Variants in PRKAG2 observed in about 807,000 individuals in gnomAD.
PRKAG2 encodes 5'-AMP-activated protein kinase subunit gamma-2.
In PRKAG2, 26 loss-of-function variants were observed where a neutral mutation model predicts 69.6. The observed-to-expected ratio is 0.37, with a 90% CI of 0.27 to 0.52. The LOEUF is 0.52. Among genes scored for constraint, PRKAG2 ranks in the 20% least tolerant of loss-of-function variants. The probability of loss-of-function intolerance (pLI) is 0.90; values close to 1 mark genes in which losing one functional copy is unlikely to be tolerated. For synonymous variants in PRKAG2, 293 were observed against 285.0 expected (o/e 1.03, Z -0.28); for missense variants, 557 against 740.0 (o/e 0.75, Z 2.87).
At chr7:151,811,341 C>T (rs1441251323) in intron 1 of PRKAG2, among the ~76,000 whole-genome samples, 2 of 152,180 alleles carry the variant, frequency 1.3e-5, no homozygotes, top group African/African-American at 2.4e-5. Flanking sequence ...AAAAATCAGG[C>T]TCAGGAGAAG....
At chr7:151,648,429 G>T (rs905026494) in intron 4 of PRKAG2, among the ~76,000 whole-genome samples, 5 of 152,274 alleles carry the variant, frequency 3.3e-5, no homozygotes, top group Middle Eastern at 3.4e-3. Context: ...GGGAAAACTG[G>T]TGTGTGAGAA....
chr7:151,685,048 T>G (rs1308782493), intron 3 of PRKAG2, among the ~76,000 whole-genome samples: 1 of 152,162 alleles, frequency 6.6e-6, no homozygotes, highest in African/African-American at 2.4e-5. Flanking sequence ...TATAACCCAC[T>G]GCAGGCTGCT....
chr7:151,736,767 C>T (rs1799874616), intron 3 of PRKAG2, among the ~76,000 whole-genome samples: 1 of 152,180 alleles, frequency 6.6e-6, no homozygotes, highest in South Asian at 2.1e-4. Flanking sequence ...TGGAATTTAA[C>T]GGAAGGTCTT....
chr7:151,763,998 C>T (rs954252267), intron 3 of PRKAG2, among the ~76,000 whole-genome samples: 2 of 152,226 alleles, frequency 1.3e-5, no homozygotes, highest in South Asian at 2.1e-4. Context: ...GACAAAGGCA[C>T]ACTCCAGGTG....
At chr7:151,576,752 C>T (rs1271646955) in intron 6 of PRKAG2, among the ~76,000 whole-genome samples, 4 of 152,152 alleles carry the variant, frequency 2.6e-5, no homozygotes, top group Non-Finnish European at 5.9e-5. Context: ...CCATCCACCT[C>T]GGCCTCCCAA....
In PRKAG2 at chr7:151,814,311, G is replaced by T. The variant is rs956951163; in HGVS notation, c.115-27770C>A. 2 of 799,654 alleles carry T rather than the reference G, an allele frequency of 2.5e-6. No individual in the cohort carries two copies. Among genetic ancestry groups the T allele is most frequent in the Non-Finnish European group, 3.2e-6 (2 of 620,018 alleles). The allele number at this position is 799,654 out of a possible 1,614,324, so 49.5% of individuals were successfully genotyped here. ...AGAACAAAGCCACAATTCAGCATCAGTCTTACACACCAAGGAGACAAAGCA... is the reference window on the plus strand; with the variant it reads ...AGAACAAAGCCACAATTCAGCATCATTCTTACACACCAAGGAGACAAAGCA... On this transcript the variant is annotated intron_variant, in intron 1 of 15. Transcript: ENST00000287878. This position sits in a 1 kb window ranked among gnomAD's most constrained non-coding sequence, Gnocchi z 4.8.
rs1221087803 is a variant in PRKAG2, at chr7:151,556,185, AAAAAC to A, written c.*1011_*1015del. The A allele has an allele frequency of 6.6e-6, 1 of 151,466 alleles. No homozygotes were observed. Among genetic ancestry groups the A allele is most frequent in the Non-Finnish European group, 1.5e-5 (1 of 67,856 alleles). 9.4% of individuals were successfully genotyped at this position (151,466 alleles called of 1,614,324 possible). A position where few individuals can be genotyped will look rare whatever the true frequency, so the allele number is the denominator to read the frequency against. ...GAAAAAAAAAAACCCAAAACAAAAA[AAAAAC>A]AAACTATCCTCATATATATATATAC... On this transcript the variant is annotated 3_prime_UTR_variant, in exon 16 of 16. Transcript: ENST00000287878.
intron 1 of PRKAG2, among the ~76,000 whole-genome samples, chr7:151,834,907 C>T (rs191513388): frequency 7.9e-5 from 12 of 152,338 alleles, no homozygotes; most frequent in African/African-American, 2.9e-4. Context: ...GGCCTTTCTG[C>T]CAGCTACGGG....
Position 151,667,753 on chromosome 7 carries a change from T to C in PRKAG2, c.684+7667A>G, listed in dbSNP as rs1023617624. ...GGCTAGCCTGCTGGAAAAGAGACCA[T>C]GTGGAATTGAGACAAGTTAGCTGTT... On this transcript the variant is annotated intron_variant, in intron 4 of 15. Coordinates refer to ENST00000287878, the MANE Select transcript of PRKAG2 (RefSeq NM_016203.4). Among the ~76,000 whole-genome samples, 5 of 152,130 alleles carry C rather than the reference T, an allele frequency of 3.3e-5. No homozygotes were observed. In the East Asian group the frequency reaches 5.8e-4, roughly 18 times the overall value.
chr7:151,868,050 G>A (rs904008914), intron 1 of PRKAG2, among the ~76,000 whole-genome samples: 22 of 152,236 alleles, frequency 1.4e-4, no homozygotes, highest in East Asian at 9.7e-4. Flanking sequence ...GGTCTTTGTC[G>A]TGCATTCATC....
chr7:151,848,600 T>C (rs6957050), intron 1 of PRKAG2, among the ~76,000 whole-genome samples: 107,299 of 146,586 alleles, frequency 0.73, 39,438 homozygotes, highest in Middle Eastern at 0.82. Flanking sequence ...TCTTGGCTCA[T>C]TGCAACCTCC....
In PRKAG2 at chr7:151,720,148, TTCTC is replaced by T. The variant is rs1405307808; in HGVS notation, c.467-44515_467-44512del. Among the ~76,000 whole-genome samples, 5 of 152,274 alleles carry T rather than the reference TTCTC, an allele frequency of 3.3e-5. No individual in the cohort carries two copies. The East Asian group carries it at 9.7e-4, about 29-fold the overall frequency. On this transcript the variant is annotated intron_variant, in intron 3 of 15. Coordinates refer to ENST00000287878, the MANE Select transcript of PRKAG2 (RefSeq NM_016203.4). ...AGTAGGGGGAAATGCCCTTTCTTCT[TTCTC>T]TCCCTCCAGATCATAAACCTACAAA...
chr7:151,724,532 C>T (rs10279256), intron 3 of PRKAG2, among the ~76,000 whole-genome samples: 1,883 of 152,208 alleles, frequency 0.012, 42 homozygotes, highest in African/African-American at 0.042. Context: ...GGAACTTCTG[C>T]GCGGGCCCTT....
chr7:151,742,681 C>T (rs943255270), intron 3 of PRKAG2, among the ~76,000 whole-genome samples: 2 of 151,998 alleles, frequency 1.3e-5, no homozygotes, highest in African/African-American at 2.4e-5. Context: ...AAAGCCACCT[C>T]GCAACACAGA....
chr7:151,791,141 G>C (rs1197931725), intron 1 of PRKAG2, among the ~76,000 whole-genome samples: 2 of 152,182 alleles, frequency 1.3e-5, no homozygotes, highest in African/African-American at 4.8e-5. Flanking sequence ...TTGCTGGAAG[G>C]CTCCCCACCC....
Position 151,557,202 on chromosome 7 carries a change from C to T in PRKAG2, c.1709G>A (p.Ter570=). 1 of 1,614,144 alleles carries T rather than the reference C, an allele frequency of 6.2e-7. No individual in the cohort carries two copies. The highest frequency in any genetic ancestry group is 1.6e-4 in the Middle Eastern group (1 of 6,062). ...GAKQKETETE[*] is the part of the protein sequence containing the mutation. ...CTAGGGCGTCTACATTCACGGCGGT[C>T]ACTCCGTTTCTGTCTCCTTTTGTTT... Residue 570 remains the stop codon, a stop_retained_variant, in exon 16 of 16, where the codon TGA becomes TAA. Transcript: ENST00000287878.
At position 151,814,904 on chromosome 7, in the gene PRKAG2, G is replaced by C; in HGVS notation, c.115-28363C>G. On this transcript the variant is annotated intron_variant, in intron 1 of 15. Coordinates refer to ENST00000287878, the MANE Select transcript of PRKAG2 (RefSeq NM_016203.4). This position sits in a 1 kb window ranked among gnomAD's most constrained non-coding sequence, Gnocchi z 4.8. The stretch of plus-strand genomic sequence containing the variant: ...ACACAGCAAGCCAGCAGGAGGGAGG[G>C]CTGGACCGGAGCTTTTAAAAAGACA... The C allele has an allele frequency of 8.1e-7, 1 of 1,227,762 alleles. No homozygotes were observed. Among genetic ancestry groups the C allele is most frequent in the Non-Finnish European group, 1.0e-6 (1 of 984,584 alleles). 76.1% of individuals were successfully genotyped at this position (1,227,762 alleles called of 1,614,324 possible).
chr7:151,612,401 C>G (rs1294609535), intron 5 of PRKAG2, among the ~76,000 whole-genome samples: 2 of 152,168 alleles, frequency 1.3e-5, no homozygotes, highest in Non-Finnish European at 2.9e-5. Flanking sequence ...TCTAAAATCA[C>G]ACTGCAGAGA....
intron 4 of PRKAG2, among the ~76,000 whole-genome samples, chr7:151,650,817 A>T (rs539977085): frequency 6.6e-6 from 1 of 152,316 alleles, no homozygotes; most frequent in South Asian, 2.1e-4. Context: ...CATTTTGTCA[A>T]ATCTCAGCTC....
Sources: gnomAD v4.1 joint callset for allele counts (sites outside exome capture counted in the v4.1 genomes callset) on GRCh38, gnomAD v4.1.1 for gene constraint, Gnocchi (gnomAD v3.1) non-coding constraint, MANE v1.5 for transcripts, NCBI Gene and HGNC (gene_info 2026-07-23, HGNC 2026-07-21) for gene names.